PHYHIPL: variants seen among roughly 807,000 people sequenced by gnomAD.
PHYHIPL encodes phytanoyl-CoA 2-hydroxylase interacting protein like, also known as phytanoyl-CoA hydroxylase-interacting protein-like.
A neutral mutation model predicts 33.4 loss-of-function variants in PHYHIPL; 9 were observed. The observed-to-expected ratio is 0.27, with a 90% CI of 0.16 to 0.47. PHYHIPL has a LOEUF of 0.47. Ranked by LOEUF, PHYHIPL falls within the 20% of genes least tolerant of loss-of-function variation. The pLI is 0.99. For missense variants in PHYHIPL, 365 were observed against 460.7 expected (o/e 0.79, Z 1.90); for synonymous variants, 153 against 154.1 (o/e 0.99, Z 0.05).
chr10:59,219,732 TAGAG>T (rs1839710765), intron 1 of PHYHIPL, among the ~76,000 whole-genome samples: 1 of 152,082 alleles, frequency 6.6e-6, no homozygotes, highest in African/African-American at 2.4e-5. Context: ...GGATCATTAT[TAGAG>T]AGAGAAAAAG....
At chr10:59,210,040 C>T (rs531320862) in intron 1 of PHYHIPL, among the ~76,000 whole-genome samples, 6 of 152,230 alleles carry the variant, frequency 3.9e-5, no homozygotes, top group Admixed American at 2.6e-4. Context: ...ATGTCTAAAA[C>T]ACCAAAAGCA....
intron 1 of PHYHIPL, among the ~76,000 whole-genome samples, chr10:59,203,337 A>G (rs1481493502): frequency 1.3e-5 from 2 of 152,242 alleles, no homozygotes; most frequent in Admixed American, 1.3e-4. Flanking sequence ...AACTAGTTCA[A>G]CCATTGTGGG....
intron 2 of PHYHIPL, among the ~76,000 whole-genome samples, chr10:59,236,040 G>T (rs1177334669): frequency 6.6e-6 from 1 of 151,754 alleles, no homozygotes; most frequent in African/African-American, 2.4e-5. Flanking sequence ...CATTTAGTAT[G>T]AGAATGTTGC....
Position 59,245,176 on chromosome 10 carries a change from G to A in PHYHIPL, c.716G>A (p.Gly239Glu). Reference protein sequence around the residue: ...FFSCSTEFNTGKPPQDSPYGR... With the variant: ...FFSCSTEFNTEKPPQDSPYGR... ...AGCTGCAGCACTGAATTCAATACTGGAAAGCCACCCCAGGATTCACCTTAT... is the reference window on the plus strand; with the variant it reads ...AGCTGCAGCACTGAATTCAATACTGAAAAGCCACCCCAGGATTCACCTTAT... Residue 239 changes from glycine (G) to glutamate (E), a missense_variant, in exon 5 of 5, where the codon GGA becomes GAA. Transcript: ENST00000373880. 6.2e-7 allele frequency: 1 copy of A among 1,614,110 alleles called. No individual in the cohort carries two copies. The highest frequency in any genetic ancestry group is 8.5e-7 in the Non-Finnish European group (1 of 1,180,002).
intron 1 of PHYHIPL, among the ~76,000 whole-genome samples, chr10:59,180,314 G>GTATGTGTGTGTATA (rs1491252242): frequency 2.9e-4 from 25 of 86,146 alleles, no homozygotes; most frequent in African/African-American, 1.2e-3. Context: ...TATAGAAAAA[G>GTATGTGTGTGTATA]TATATATATA....
intron 1 of PHYHIPL, among the ~76,000 whole-genome samples, chr10:59,216,104 A>C (rs868851872): frequency 2.7e-4 from 41 of 152,094 alleles, no homozygotes; most frequent in African/African-American, 9.4e-4. Flanking sequence ...AGTTGTCAGC[A>C]AAAAAGATCA....
intron 1 of PHYHIPL, among the ~76,000 whole-genome samples, chr10:59,204,497 AGAG>A (rs1404786899): frequency 2.2e-4 from 33 of 152,210 alleles, no homozygotes; most frequent in African/African-American, 7.5e-4. Context: ...TTAAAAAGAA[AGAG>A]GAGGAGAATT....
At chr10:59,223,615 A>G (rs1013052047) in intron 1 of PHYHIPL, among the ~76,000 whole-genome samples, 1 of 152,180 alleles carries the variant, frequency 6.6e-6, no homozygotes, top group Non-Finnish European at 1.5e-5. Context: ...TGATAAAATA[A>G]AAATAATAAA....
At chr10:59,177,104 T>G in intron 1 of PHYHIPL, 145 bp downstream of exon 1, 1 of 671,842 alleles carries the variant, frequency 1.5e-6, no homozygotes, top group Non-Finnish European at 2.4e-6. Flanking sequence ...TGGGTTACCC[T>G]CCGCCCACCG....
At chr10:59,200,013 T>G (rs1839049560) in intron 1 of PHYHIPL, among the ~76,000 whole-genome samples, 1 of 152,184 alleles carries the variant, frequency 6.6e-6, no homozygotes, top group Admixed American at 6.5e-5. Flanking sequence ...CAGGGTCAAT[T>G]TGACTTCCTC....
rs969323656 is a variant in PHYHIPL at position 59,233,429 on chromosome 10, AT to A, written c.107-865del. 8.1e-4 allele frequency among the ~76,000 whole-genome samples: 121 copies of A among 149,638 alleles called. 1 individual carries two copies. Among genetic ancestry groups the A allele is most frequent in the African/African-American group, 8.8e-4 (36 of 40,876 alleles). On this transcript the variant is annotated intron_variant, in intron 1 of 4. Transcript: ENST00000373880. ...TAACATTTTTTCTTATTTGAATAAC[AT>A]TTTTTTTTTCTCTCTTGAGGCATTG... is the stretch of plus-strand genomic sequence containing the variant.
intron 1 of PHYHIPL, among the ~76,000 whole-genome samples, chr10:59,201,272 G>A (rs938306805): frequency 5.3e-5 from 8 of 152,008 alleles, no homozygotes; most frequent in African/African-American, 1.9e-4. Context: ...TGTTCTCATT[G>A]GTTTCAAAGA....
intron 3 of PHYHIPL, 31 bp downstream of exon 3, chr10:59,236,688 C>T (rs1840237814): frequency 6.6e-7 from 1 of 1,518,362 alleles, no homozygotes; most frequent in African/African-American, 1.4e-5. Flanking sequence ...TATAGAAAAG[C>T]TTTAGTTGTT....
chr10:59,176,933 A>G lies in PHYHIPL; in HGVS notation c.80A>G (p.Glu27Gly), dbSNP rs1435304213. 12 of 1,613,466 alleles carry G rather than the reference A, an allele frequency of 7.4e-6. No homozygotes were observed. Among genetic ancestry groups the G allele is most frequent in the Non-Finnish European group, 1.0e-5 (12 of 1,179,804 alleles). The change falls in exon 1 of 5, where the codon GAG (glutamate) becomes GGG (glycine). Residue 27 changes from glutamate to glycine, a missense_variant. Transcript: ENST00000373880. ...GAGGTGATCAAAAACCTCAGCCTGG[A>G]GGCCATTCAGCTGTGCGACCGGGAC... ...CEEVIKNLSL[E>G]AIQLCDRDGN... is the part of the protein sequence containing the mutation.
chr10:59,180,535 C>G (rs12267435), intron 1 of PHYHIPL, among the ~76,000 whole-genome samples: 38,293 of 151,038 alleles, frequency 0.25, 7,087 homozygotes, highest in African/African-American at 0.52. Flanking sequence ...TTCATGAGTC[C>G]GGCACTTTAT....
intron 1 of PHYHIPL, chr10:59,221,794 T>G: frequency 1.6e-6 from 1 of 626,326 alleles, no homozygotes; most frequent in Non-Finnish European, 2.0e-6. Flanking sequence ...TTTAGATTCT[T>G]TCAGATATTA....
At chr10:59,183,388 A>G (rs1838467221) in intron 1 of PHYHIPL, among the ~76,000 whole-genome samples, 1 of 152,238 alleles carries the variant, frequency 6.6e-6, no homozygotes, top group Non-Finnish European at 1.5e-5. Flanking sequence ...AACCCTTAGA[A>G]ACTTAAAAAG....
intron 1 of PHYHIPL, among the ~76,000 whole-genome samples, chr10:59,183,448 G>T (rs1838470028): frequency 1.3e-5 from 2 of 152,120 alleles, no homozygotes; most frequent in Admixed American, 1.3e-4. Flanking sequence ...GGGGAGAATT[G>T]CTCATAGAAA....
At chr10:59,178,366 A>G (rs773803476) in intron 1 of PHYHIPL, among the ~76,000 whole-genome samples, 5 of 152,156 alleles carry the variant, frequency 3.3e-5, no homozygotes, top group Non-Finnish European at 7.4e-5. Flanking sequence ...TATTTATGGT[A>G]TCTAAAAACA....
Sources: gnomAD v4.1 joint callset for allele counts (sites outside exome capture counted in the v4.1 genomes callset) on GRCh38, gnomAD v4.1.1 for gene constraint, MANE v1.5 for transcripts, NCBI Gene and HGNC (gene_info 2026-07-23, HGNC 2026-07-21) for gene names.